The following P4HTM variants were observed in gnomAD, a reference collection of about 807,000 sequenced individuals.
P4HTM encodes the protein prolyl 4-hydroxylase, transmembrane.
Under a neutral mutation model 55.3 loss-of-function variants are expected in P4HTM, and 33 were observed. The observed-to-expected ratio is 0.60, with a 90% CI of 0.45 to 0.80. P4HTM has a LOEUF of 0.80. Among genes scored for constraint, P4HTM ranks in the 30% least tolerant of loss-of-function variants. The pLI, the probability that P4HTM is intolerant of heterozygous loss-of-function variation, is 0.00. For synonymous variants in P4HTM, 272 were observed against 286.4 expected, an observed-to-expected ratio of 0.95 and a Z score of 0.51; for missense variants, 542 against 696.5, an observed-to-expected ratio of 0.78 and a Z score of 2.50.
chr3:48,995,974 G>C (rs753264001), intron 2 of P4HTM, among the ~76,000 whole-genome samples: 1 of 152,194 alleles, frequency 6.6e-6, no homozygotes, highest in South Asian at 2.1e-4. Flanking sequence ...CATCCTCCAC[G>C]TATCCTTCTG....
intron 7 of P4HTM, 35 bp from the exon 8 acceptor site, chr3:49,006,029 A>C (rs771660136): frequency 1.3e-5 from 21 of 1,594,432 alleles, no homozygotes; most frequent in Non-Finnish European, 1.7e-5. Flanking sequence ...TAGAGTGGGG[A>C]CAGGTTGAAC....
chr3:48,995,202 C>T (rs2092942120), intron 2 of P4HTM, among the ~76,000 whole-genome samples: 1 of 152,194 alleles, frequency 6.6e-6, no homozygotes, highest in African/African-American at 2.4e-5. Flanking sequence ...CTCCTGCCCC[C>T]ACCCCCGACT....
Position 49,006,936 on chromosome 3 carries a change from CG to C in P4HTM, c.*32del. On this transcript the variant is annotated 3_prime_UTR_variant, in exon 9 of 9. Transcript: ENST00000383729. ...AAGAGTTAGCCCCGGTTCCCAGCCG[CG>C]GGTCGCCAGTTGCCCAAGATCAGGG... 1 of 1,576,524 alleles carries C rather than the reference CG, an allele frequency of 6.3e-7. No homozygotes were observed. Among genetic ancestry groups the C allele is most frequent in the Non-Finnish European group, 8.6e-7 (1 of 1,156,692 alleles).
Position 48,999,383 on chromosome 3 carries a change from A to G in P4HTM, c.437-2055A>G, listed in dbSNP as rs943523824. 6.2e-6 allele frequency: 1 copy of G among 161,032 alleles called. No homozygotes were observed. The highest frequency in any genetic ancestry group is 1.9e-4 in the East Asian group (1 of 5,196). The allele number at this position is 161,032 out of a possible 1,614,324, so 10.0% of individuals were successfully genotyped here. On this transcript the variant is annotated intron_variant, in intron 2 of 8. Transcript: ENST00000383729. The surrounding 1 kb of genome is among the most constrained non-coding windows in gnomAD (Gnocchi z 4.8). Reference sequence around the variant, plus strand: ...TGTGATGTGGTCCAGCAAGTTGGGCAGACGCATCTGTGTAGCCAATGTCGT... The same window carrying G: ...TGTGATGTGGTCCAGCAAGTTGGGCGGACGCATCTGTGTAGCCAATGTCGT...
At position 48,990,480 on chromosome 3, in the gene P4HTM, T is replaced by G. The variant is rs188229631; in HGVS notation, c.224T>G (p.Val75Gly). ...MVFVHLYLGN[V>G]LALLLFVHYS... The stretch of plus-strand genomic sequence containing the variant: ...TTCGTGCACCTGTACCTGGGTAACG[T>G]GCTGGCGCTGCTGCTCTTCGTGCAC... The change falls in exon 1 of 9, where the codon GTG becomes GGG. Residue 75 changes from valine (V) to glycine (G), a missense_variant. Coordinates refer to ENST00000383729, the MANE Select transcript of P4HTM (RefSeq NM_177939.3). The surrounding 1 kb of genome is among the most constrained non-coding windows in gnomAD (Gnocchi z 7.2). 2 of 1,611,196 alleles carry G rather than the reference T, an allele frequency of 1.2e-6. No homozygotes were observed. The highest frequency in any genetic ancestry group is 1.3e-5 in the African/African-American group (1 of 74,822).
At position 48,990,898 on chromosome 3, in the gene P4HTM, C is replaced by A; in HGVS notation, c.420C>A (p.Leu140=). Residue 140 remains leucine (L), a synonymous_variant, in exon 2 of 9, where the codon CTC becomes CTA. Coordinates refer to ENST00000383729, the MANE Select transcript of P4HTM (RefSeq NM_177939.3). The surrounding 1 kb of genome is among the most constrained non-coding windows in gnomAD (Gnocchi z 7.2). ...ATCACTTCATCCGAACCCTCAGCCT[C>A]AAGCCGCTGCTCTTCGGTAAGTCCG... ...DRDHFIRTLS[L]KPLLFEIPGF... 6.2e-7 allele frequency: 1 copy of A among 1,613,546 alleles called. No individual in the cohort carries two copies. The highest frequency in any genetic ancestry group is 8.5e-7 in the Non-Finnish European group (1 of 1,179,746).
chr3:49,005,677 T>A (rs1369631017), intron 6 of P4HTM, 100 bp from the exon 7 acceptor site: 8 of 1,496,818 alleles, frequency 5.3e-6, no homozygotes, highest in Admixed American at 2.4e-5. Context: ...TCTGTCCTGG[T>A]CCCTGGCAAC....
In P4HTM at chr3:48,990,997, CTA is replaced by C. The variant is rs1250031907; in HGVS notation, c.436+85_436+86del. The stretch of plus-strand genomic sequence containing the variant: ...GAGGCTCGTTGTGACCACGTGACCT[CTA>C]TTTTGAAAATGGCTGCTTCAGAGCA... On this transcript the variant is annotated intron_variant, in intron 2 of 8. Transcript: ENST00000383729. This position sits in a 1 kb window ranked among gnomAD's most constrained non-coding sequence, Gnocchi z 7.2. 2 of 1,047,548 alleles carry C rather than the reference CTA, an allele frequency of 1.9e-6. No individual in the cohort carries two copies. The highest frequency in any genetic ancestry group is 2.9e-6 in the Non-Finnish European group (2 of 687,970). The allele number at this position is 1,047,548 out of a possible 1,614,324, so 64.9% of individuals were successfully genotyped here.
At chr3:49,005,180 GC>G in intron 6 of P4HTM, 134 bp downstream of exon 6, 1 of 1,594,566 alleles carries the variant, frequency 6.3e-7, no homozygotes. Flanking sequence ...GGTTAGTGAT[GC>G]CCTCACCTCT....
chr3:48,994,335 A>T (rs1258976563), intron 2 of P4HTM, among the ~76,000 whole-genome samples: 2 of 152,192 alleles, frequency 1.3e-5, no homozygotes. Flanking sequence ...CTGGGATCGA[A>T]GAGTGGATGC....
rs746196391 is a variant in P4HTM at position 49,006,764 on chromosome 3, A to C, written c.1366A>C (p.Asn456His). The change falls in exon 9 of 9, where the codon AAC becomes CAC. Residue 456 changes from asparagine to histidine, a missense_variant. Asn to His is a moderately conservative substitution (Grantham distance 68). This residue lies in a region of P4HTM where 536 missense variants were observed against 672.1 expected (regional missense o/e 0.80). Transcript: ENST00000383729. The stretch of plus-strand genomic sequence containing the variant: ...GCGCGGCACCAAGTGGATTGCCAAC[A>C]ACTGGATTAATGTGGACCCCAGCCG... ...VTRGTKWIAN[N>H]WINVDPSRAR... is the part of the protein sequence containing the mutation. 6.2e-7 allele frequency: 1 copy of C among 1,613,708 alleles called. No homozygotes were observed. The highest frequency in any genetic ancestry group is 2.2e-5 in the East Asian group (1 of 44,886).
In P4HTM at chr3:49,004,865, C is replaced by T. The variant is rs755812128; in HGVS notation, c.892C>T (p.Leu298=). The T allele has an allele frequency of 6.2e-7, 1 of 1,606,716 alleles. No individual in the cohort carries two copies. The highest frequency in any genetic ancestry group is 1.7e-5 in the Admixed American group (1 of 59,902). ...HIMRAIRQRV[L]RLTRLSPEIV... ...CAAATGCCTGCTGCCCACCAGGGTG[C>T]TGCGCCTCACTCGCCTGTCGCCTGA... The change falls in exon 6 of 9, where the codon CTG becomes TTG. Residue 298 remains leucine (L), a synonymous_variant. Transcript: ENST00000383729.
At position 49,005,867 on chromosome 3, in the gene P4HTM, G is replaced by T. The variant is rs920503629; in HGVS notation, c.1164G>T (p.Met388Ile). The T allele has an allele frequency of 6.5e-7, 1 of 1,546,092 alleles. No homozygotes were observed. The highest frequency in any genetic ancestry group is 8.7e-7 in the Non-Finnish European group (1 of 1,145,556). ...CAGATAACAGAACCTACGATGAAAT[G>T]GTAAGGGTCAACTGGGCTATTACTC... ...PVADNRTYDE[M>I]SLIQDDVDLR... is the part of the protein sequence containing the mutation. Residue 388 changes from methionine to isoleucine, a missense_variant and splice_region_variant, in exon 7 of 9, where the codon ATG becomes ATT. Met to Ile is a conservative substitution (Grantham distance 10). This residue lies in a region of P4HTM where 536 missense variants were observed against 672.1 expected (regional missense o/e 0.80). Coordinates refer to ENST00000383729, the MANE Select transcript of P4HTM (RefSeq NM_177939.3).
In P4HTM at chr3:49,006,599, T is replaced by C; in HGVS notation, c.1289-88T>C. On this transcript the variant is annotated intron_variant, in intron 8 of 8. Transcript: ENST00000383729. Reference sequence around the variant, plus strand: ...GTTTGCTACACAAGGAATGCATAGCTGGACCCACCTTGGTCATGCTCTTGG... The same window carrying C: ...GTTTGCTACACAAGGAATGCATAGCCGGACCCACCTTGGTCATGCTCTTGG... 3 of 1,084,772 alleles carry C rather than the reference T, an allele frequency of 2.8e-6. No individual in the cohort carries two copies. The South Asian group carries it at 4.0e-5, about 15-fold the overall frequency. The allele number at this position is 1,084,772 out of a possible 1,614,324, so 67.2% of individuals were successfully genotyped here.
At chr3:49,006,244 C>T (rs983464063) in intron 8 of P4HTM, 57 bp downstream of exon 8, 162 of 1,560,170 alleles carry the variant, frequency 1.0e-4, no homozygotes, top group Non-Finnish European at 9.4e-5. Flanking sequence ...TCCCTTTACC[C>T]AGCCCCCGTC....
chr3:49,004,658 T>C, intron 5 of P4HTM: 1 of 604,184 alleles, frequency 1.7e-6, no homozygotes, highest in Non-Finnish European at 2.9e-6. Context: ...AGCAGGTGTC[T>C]CTGTCTTTGG....
chr3:49,001,257 C>T (rs2092960234), intron 2 of P4HTM, 181 bp from the exon 3 acceptor site: 4 of 640,106 alleles, frequency 6.2e-6, no homozygotes, highest in Admixed American at 2.3e-5. Flanking sequence ...GCCAGCCAGC[C>T]TTTGCAGGAC....
chr3:49,004,682 A>G (rs1291891695), intron 5 of P4HTM, 179 bp from the exon 6 acceptor site: 12 of 634,474 alleles, frequency 1.9e-5, no homozygotes, highest in Non-Finnish European at 2.8e-6. Flanking sequence ...CTGAGGGAGA[A>G]GGATCATCAT....
At chr3:48,995,209 G>A (rs2092942164) in intron 2 of P4HTM, among the ~76,000 whole-genome samples, 1 of 151,742 alleles carries the variant, frequency 6.6e-6, no homozygotes, top group South Asian at 2.1e-4. Context: ...CCCCACCCCC[G>A]ACTCCATTTA....
Sources: gnomAD v4.1 joint callset for allele counts (sites outside exome capture counted in the v4.1 genomes callset) on GRCh38, gnomAD v4.1.1 for gene constraint, gnomAD v4.1.1 regional missense constraint, Gnocchi (gnomAD v3.1) non-coding constraint, MANE v1.5 for transcripts, NCBI Gene and HGNC (gene_info 2026-07-23, HGNC 2026-07-21) for gene names.